The following WFDC11 variants were observed in gnomAD, a reference collection of about 807,000 sequenced individuals.
WFDC11 encodes the protein protein WFDC11.
WFDC11 carries 9 observed loss-of-function variants against 9.9 expected under a neutral mutation model. The observed-to-expected ratio is 0.91, with a 90% CI of 0.55 to 1.58. The LOEUF (loss-of-function observed/expected upper bound fraction) is 1.58, where lower values mean the gene tolerates loss of function less well. Ranked by LOEUF, WFDC11 falls within the 40% of genes most tolerant of loss-of-function variation. WFDC11 has a pLI of 0.00. For synonymous variants in WFDC11, 32 were observed against 33.3 expected (o/e 0.96, Z 0.13); for missense variants, 106 against 101.7 (o/e 1.04, Z -0.18).
chr20:45,664,839 T>G (rs1038235867), intron 2 of WFDC11, among the ~76,000 whole-genome samples: 8 of 152,192 alleles, frequency 5.3e-5, no homozygotes, highest in African/African-American at 1.9e-4. Flanking sequence ...TCTCTCTGGG[T>G]GCCCTTAACA....
chr20:45,664,520 T>C (rs906688316), intron 2 of WFDC11, among the ~76,000 whole-genome samples: 7 of 152,238 alleles, frequency 4.6e-5, no homozygotes, highest in Non-Finnish European at 1.0e-4. Flanking sequence ...GCCTTCATGG[T>C]CTGTACAATT....
intron 3 of WFDC11, 115 bp from the exon 4 acceptor site, chr20:45,649,514 C>T: frequency 7.6e-7 from 1 of 1,310,488 alleles, no homozygotes; most frequent in East Asian, 2.3e-5. Context: ...AAATTCCAAC[C>T]AAGATATCTA....
intron 1 of WFDC11, among the ~76,000 whole-genome samples, chr20:45,667,472 AT>A (rs1014581525): frequency 4.8e-5 from 5 of 103,412 alleles, no homozygotes; most frequent in East Asian, 4.3e-4. Flanking sequence ...CTACATATCT[AT>A]TTTTTTTCTA....
At chr20:45,653,951 A>C (rs1248353054) in intron 2 of WFDC11, among the ~76,000 whole-genome samples, 1 of 152,192 alleles carries the variant, frequency 6.6e-6, no homozygotes, top group Non-Finnish European at 1.5e-5. Context: ...GTGACCTACA[A>C]AGAGACTTAG....
intron 2 of WFDC11, among the ~76,000 whole-genome samples, chr20:45,666,492 C>G (rs1356991173): frequency 6.6e-6 from 1 of 152,202 alleles, no homozygotes; most frequent in African/African-American, 2.4e-5. Context: ...CAGAAATCAC[C>G]CAATCTTCTG....
At chr20:45,662,312 T>C (rs1014679394) in intron 2 of WFDC11, among the ~76,000 whole-genome samples, 3 of 152,190 alleles carry the variant, frequency 2.0e-5, no homozygotes, top group Non-Finnish European at 2.9e-5. Context: ...CTTAAGGAGA[T>C]TTTGGGCTGA....
chr20:45,666,321 C>T (rs1156542428), intron 2 of WFDC11, among the ~76,000 whole-genome samples: 1 of 152,078 alleles, frequency 6.6e-6, no homozygotes, highest in African/African-American at 2.4e-5. Context: ...TTCCAGGTAC[C>T]ATCTGTCACG....
chr20:45,659,031 A>G (rs1417435377), intron 2 of WFDC11, among the ~76,000 whole-genome samples: 1 of 152,224 alleles, frequency 6.6e-6, no homozygotes, highest in Admixed American at 6.5e-5. Context: ...GTCCCTACAA[A>G]GGACATGAAC....
chr20:45,657,367 G>A (rs1982956895), intron 2 of WFDC11, among the ~76,000 whole-genome samples: 1 of 148,258 alleles, frequency 6.7e-6, no homozygotes, highest in Non-Finnish European at 1.5e-5. Context: ...CTCACTCATA[G>A]GTGGGAATTG....
chr20:45,648,674 A>G lies in WFDC11; in HGVS notation c.*45T>C. The G allele has an allele frequency of 1.9e-6, 3 of 1,613,006 alleles. No individual in the cohort carries two copies. The highest frequency in any genetic ancestry group is 1.3e-5 in the African/African-American group (1 of 75,024). On this transcript the variant is annotated 3_prime_UTR_variant, in exon 5 of 5. Transcript: ENST00000324384. Reference sequence around the variant, plus strand: ...GGTACTACTATGAGACCTCTTAAACATTTCCCAGCCCACACAGGTGGCAGC... The same window carrying G: ...GGTACTACTATGAGACCTCTTAAACGTTTCCCAGCCCACACAGGTGGCAGC...
intron 2 of WFDC11, among the ~76,000 whole-genome samples, chr20:45,654,484 G>A (rs13041338): frequency 0.14 from 20,759 of 152,188 alleles, 1,859 homozygotes; most frequent in East Asian, 0.32. Context: ...GAGCAGGAAA[G>A]ATCTAAAACT....
At chr20:45,652,660 G>A (rs1982835270) in intron 2 of WFDC11, among the ~76,000 whole-genome samples, 1 of 152,060 alleles carries the variant, frequency 6.6e-6, no homozygotes, top group African/African-American at 2.4e-5. Context: ...CGAACCCATG[G>A]CAAAGAATTT....
intron 1 of WFDC11, among the ~76,000 whole-genome samples, chr20:45,669,260 C>T (rs1188209406): frequency 1.3e-5 from 2 of 152,140 alleles, no homozygotes; most frequent in African/African-American, 2.4e-5. Flanking sequence ...CCTTGGGTAA[C>T]TCATTTCACT....
intron 2 of WFDC11, among the ~76,000 whole-genome samples, chr20:45,666,671 A>G (rs1042833564): frequency 3.3e-5 from 5 of 152,190 alleles, no homozygotes; most frequent in Non-Finnish European, 5.9e-5. Context: ...TATCTATTCT[A>G]TCATGAGTAT....
intron 1 of WFDC11, among the ~76,000 whole-genome samples, chr20:45,669,460 C>G (rs1983252660): frequency 1.3e-5 from 2 of 152,232 alleles, no homozygotes; most frequent in African/African-American, 2.4e-5. Context: ...TGTATAAAAA[C>G]AGTGTACATA....
intron 2 of WFDC11, among the ~76,000 whole-genome samples, chr20:45,663,119 A>C (rs923194763): frequency 2.6e-5 from 4 of 152,106 alleles, no homozygotes; most frequent in African/African-American, 9.7e-5. Context: ...GTATATTCAG[A>C]GATTCAACTT....
chr20:45,654,960 A>G (rs916048397), intron 2 of WFDC11, among the ~76,000 whole-genome samples: 2 of 152,222 alleles, frequency 1.3e-5, no homozygotes, highest in African/African-American at 2.4e-5. Context: ...AATCAAAAAA[A>G]GTCCAGGACC....
At chr20:45,666,476 G>A (rs1489913888) in intron 2 of WFDC11, among the ~76,000 whole-genome samples, 1 of 152,212 alleles carries the variant, frequency 6.6e-6, no homozygotes, top group Non-Finnish European at 1.5e-5. Flanking sequence ...ACCACAGTTG[G>A]AAATGCAGAA....
At position 45,651,719 on chromosome 20, in the gene WFDC11, A is replaced by G. The variant is rs149664274; in HGVS notation, c.-51-1068T>C. ...AAGGGGTGACAGACGGCACCTGGAA[A>G]ATCGGGTCACTCCGACCCTAATACT... On this transcript the variant is annotated intron_variant, in intron 2 of 4. Coordinates refer to ENST00000324384, the MANE Select transcript of WFDC11 (RefSeq NM_147197.2). Among the ~76,000 whole-genome samples, 39 of 152,344 alleles carry G rather than the reference A, an allele frequency of 2.6e-4. No homozygotes were observed. The East Asian group carries it at 4.6e-3, about 18-fold the overall frequency.
Sources: gnomAD v4.1 joint callset for allele counts (sites outside exome capture counted in the v4.1 genomes callset) on GRCh38, gnomAD v4.1.1 for gene constraint, MANE v1.5 for transcripts, NCBI Gene and HGNC (gene_info 2026-07-23, HGNC 2026-07-21) for gene names.